ATG5: variants seen among roughly 807,000 people sequenced by gnomAD.
ATG5 encodes autophagy protein 5.
Under a neutral mutation model 36.5 loss-of-function variants are expected in ATG5, and 14 were observed. The observed-to-expected ratio is 0.38, with a 90% CI of 0.25 to 0.60. The LOEUF (loss-of-function observed/expected upper bound fraction) is 0.60. Ranked by LOEUF, ATG5 falls within the 20% of genes least tolerant of loss-of-function variation. The pLI is 0.60. For synonymous variants in ATG5, 95 were observed against 101.5 expected, an observed-to-expected ratio of 0.94 and a Z score of 0.38; for missense variants, 195 against 326.7, an observed-to-expected ratio of 0.60 and a Z score of 3.11.
At chr6:106,293,431 C>T (rs547122780) in intron 3 of ATG5, among the ~76,000 whole-genome samples, 1 of 152,278 alleles carries the variant, frequency 6.6e-6, no homozygotes, top group African/African-American at 2.4e-5. Flanking sequence ...TCATAAAGGA[C>T]AGTTGATTTT....
chr6:106,207,394 T>C (rs923792349), intron 6 of ATG5, among the ~76,000 whole-genome samples: 23 of 152,196 alleles, frequency 1.5e-4, no homozygotes, highest in African/African-American at 5.3e-4. Flanking sequence ...CTTAGAATTC[T>C]TATAAATAAT....
intron 6 of ATG5, among the ~76,000 whole-genome samples, chr6:106,224,569 A>G (rs2853339): frequency 1 from 151,690 of 152,334 alleles, 75,525 homozygotes; most frequent in East Asian, 1. Context: ...CTCACAGAGA[A>G]GAACTATGTT....
chr6:106,208,587 A>G (rs1251513417), intron 6 of ATG5, among the ~76,000 whole-genome samples: 1 of 152,206 alleles, frequency 6.6e-6, no homozygotes, highest in Non-Finnish European at 1.5e-5. Flanking sequence ...TCATTTTAAC[A>G]CTACTTTCAA....
chr6:106,237,421 T>C (rs1331377848), intron 6 of ATG5, among the ~76,000 whole-genome samples: 1 of 152,204 alleles, frequency 6.6e-6, no homozygotes, highest in Non-Finnish European at 1.5e-5. Context: ...AATATGCACA[T>C]GCAGTATATA....
chr6:106,317,809 G>A (rs1053042777), intron 1 of ATG5, among the ~76,000 whole-genome samples: 1 of 152,124 alleles, frequency 6.6e-6, no homozygotes, highest in Admixed American at 6.5e-5. Flanking sequence ...ACCTCACTAC[G>A]TCCTGATTAC....
chr6:106,310,495 A>C (rs976234200), intron 2 of ATG5, among the ~76,000 whole-genome samples: 1 of 152,190 alleles, frequency 6.6e-6, no homozygotes, highest in South Asian at 2.1e-4. Context: ...CCTGCAGACT[A>C]TATATACTAC....
At chr6:106,302,302 T>C (rs1175359808) in intron 3 of ATG5, among the ~76,000 whole-genome samples, 1 of 152,042 alleles carries the variant, frequency 6.6e-6, no homozygotes, top group East Asian at 1.9e-4. Flanking sequence ...AGTAGCTTAG[T>C]ACACCTGGAA....
chr6:106,283,329 T>C (rs891954309), intron 4 of ATG5: 3 of 152,210 alleles, frequency 2.0e-5, no homozygotes, highest in African/African-American at 7.2e-5. Context: ...AGTGTCTCAT[T>C]TCTGGAAAAA....
chr6:106,193,982 T>C (rs1011657058), intron 7 of ATG5, among the ~76,000 whole-genome samples: 1 of 152,212 alleles, frequency 6.6e-6, no homozygotes, highest in Non-Finnish European at 1.5e-5. Flanking sequence ...GGTTAATTCA[T>C]TTAACTTCTT....
intron 6 of ATG5, among the ~76,000 whole-genome samples, chr6:106,214,783 G>C (rs896202725): frequency 6.6e-6 from 1 of 152,062 alleles, no homozygotes; most frequent in Admixed American, 6.6e-5. Context: ...TCTTGGGATC[G>C]AGATCAATTT....
intron 6 of ATG5, among the ~76,000 whole-genome samples, chr6:106,247,360 C>T (rs1413989523): frequency 6.6e-6 from 1 of 152,134 alleles, no homozygotes; most frequent in Admixed American, 6.5e-5. Context: ...AATATTTATG[C>T]CAGCACTTTT....
intron 6 of ATG5, among the ~76,000 whole-genome samples, chr6:106,221,400 C>A (rs1344791705): frequency 2.6e-5 from 4 of 152,058 alleles, no homozygotes; most frequent in African/African-American, 9.7e-5. Context: ...AATGTCAAAA[C>A]TGAGGCCGGG....
At chr6:106,271,491 G>A (rs1424172574) in intron 5 of ATG5, 1 of 152,182 alleles carries the variant, frequency 6.6e-6, no homozygotes, top group Non-Finnish European at 1.5e-5. Context: ...ACACTGAATT[G>A]CAGGCACCTT....
chr6:106,237,214 A>T (rs1777936222), intron 6 of ATG5, among the ~76,000 whole-genome samples: 1 of 152,200 alleles, frequency 6.6e-6, no homozygotes, highest in Non-Finnish European at 1.5e-5. Flanking sequence ...GAAAATTTTA[A>T]ATAAAAGCAA....
intron 6 of ATG5, among the ~76,000 whole-genome samples, chr6:106,205,811 C>T (rs373509311): frequency 1.2e-4 from 18 of 152,166 alleles, no homozygotes; most frequent in African/African-American, 3.4e-4. Flanking sequence ...TGTAGCTAAA[C>T]GCTGTAGAAT....
At chr6:106,189,328 G>A (rs2114304504) in intron 7 of ATG5, among the ~76,000 whole-genome samples, 1 of 152,294 alleles carries the variant, frequency 6.6e-6, no homozygotes, top group African/African-American at 2.4e-5. Flanking sequence ...AAACAGGCCA[G>A]GTGTGGTGGC....
intron 6 of ATG5, among the ~76,000 whole-genome samples, chr6:106,246,371 GTCTC>G (rs761408773): frequency 3.2e-4 from 40 of 124,702 alleles, no homozygotes; most frequent in African/African-American, 9.4e-4. Context: ...CTCTGTCTCT[GTCTC>G]TCTCTCTCTC....
chr6:106,224,291 G>GA (rs1777361520), intron 6 of ATG5, among the ~76,000 whole-genome samples: 1 of 152,144 alleles, frequency 6.6e-6, no homozygotes, highest in Non-Finnish European at 1.5e-5. Flanking sequence ...AAAGCAGGTA[G>GA]AAAAATCTAA....
At chr6:106,276,863 A>G (rs750429366) in intron 5 of ATG5, among the ~76,000 whole-genome samples, 5 of 152,194 alleles carry the variant, frequency 3.3e-5, no homozygotes, top group Non-Finnish European at 5.9e-5. Context: ...AAGGCACTAC[A>G]CCTTCTTAAG....
Sources: gnomAD v4.1 joint callset for allele counts (sites outside exome capture counted in the v4.1 genomes callset) on GRCh38, gnomAD v4.1.1 for gene constraint, MANE v1.5 for transcripts, NCBI Gene and HGNC (gene_info 2026-07-23, HGNC 2026-07-21) for gene names.